The following DYNC2H1 variants were observed in gnomAD, a reference collection of about 807,000 sequenced individuals.
DYNC2H1 encodes the protein cytoplasmic dynein 2 heavy chain 1.
In DYNC2H1, 410 loss-of-function variants were observed where a neutral mutation model predicts 570.0. That is an observed-to-expected ratio of 0.72 (90% CI 0.66 to 0.78). The LOEUF is 0.78. Among genes scored for constraint, DYNC2H1 ranks in the 30% least tolerant of loss-of-function variants. The pLI is 0.00. For missense variants in DYNC2H1, 4,865 were observed against 5,046.4 expected (o/e 0.96, Z 1.09); for synonymous variants, 1,688 against 1,677.6 (o/e 1.01, Z -0.15).
intron 54 of DYNC2H1, among the ~76,000 whole-genome samples, chr11:103,212,608 G>C: frequency 6.6e-6 from 1 of 151,902 alleles, no homozygotes; most frequent in South Asian, 2.1e-4. Context: ...TTTTCTTTCC[G>C]TATTTCTTTA....
At chr11:103,152,401 A>C in intron 21 of DYNC2H1, 116 bp downstream of exon 21, 7 of 955,508 alleles carry the variant, frequency 7.3e-6, no homozygotes, top group Non-Finnish European at 1.0e-5. Context: ...GGCTGTTGAA[A>C]TTGACCTCCC....
At chr11:103,213,290 A>C (rs1863229719) in intron 54 of DYNC2H1, among the ~76,000 whole-genome samples, 2 of 152,132 alleles carry the variant, frequency 1.3e-5, no homozygotes, top group African/African-American at 4.8e-5. Context: ...GTGACTCTTG[A>C]GTCCTTTTTC....
chr11:103,266,386 G>A (rs111524556), intron 70 of DYNC2H1, among the ~76,000 whole-genome samples: 3,229 of 152,166 alleles, frequency 0.021, 117 homozygotes, highest in African/African-American at 0.073. Flanking sequence ...GGGTGCAGGT[G>A]GGTGCCTTCT....
chr11:103,186,129 A>T lies in DYNC2H1; in HGVS notation c.6634-113A>T, dbSNP rs1862057540. 9.4e-7 allele frequency: 1 copy of T among 1,061,614 alleles called. No individual in the cohort carries two copies. Among genetic ancestry groups the T allele is most frequent in the Non-Finnish European group, 1.3e-6 (1 of 757,004 alleles). 65.8% of individuals were successfully genotyped at this position (1,061,614 alleles called of 1,614,324 possible). A position where few individuals can be genotyped will look rare whatever the true frequency, so the allele number is the denominator to read the frequency against. ...ATGATAAAATAGGTTTAGTTTATGT[A>T]AAGTTTTCTTGGAACTAAGATGATT... On this transcript the variant is annotated intron_variant, in intron 41 of 88. Coordinates refer to ENST00000375735, the MANE Select transcript of DYNC2H1 (RefSeq NM_001377.3). The surrounding 1 kb of genome is among the most constrained non-coding windows in gnomAD (Gnocchi z 4.5).
chr11:103,176,445 A>G lies in DYNC2H1; in HGVS notation c.5874+11A>G, dbSNP rs766069334. ...ATTATACCCAATCAGGTAACTGTCA[A>G]GAATATTTTATAATAGATTGATCCC... On this transcript the variant is annotated intron_variant, in intron 37 of 88. Coordinates refer to ENST00000375735, the MANE Select transcript of DYNC2H1 (RefSeq NM_001377.3). 1 of 1,487,050 alleles carries G rather than the reference A, an allele frequency of 6.7e-7. No individual in the cohort carries two copies. The highest frequency in any genetic ancestry group is 8.9e-7 in the Non-Finnish European group (1 of 1,122,744). The allele number at this position is 1,487,050 out of a possible 1,614,324, so 92.1% of individuals were successfully genotyped here.
At position 103,260,862 on chromosome 11, in the gene DYNC2H1, G is replaced by A. The variant is rs771833730; in HGVS notation, c.10695+885G>A. On this transcript the variant is annotated intron_variant, in intron 70 of 88. Transcript: ENST00000375735. ...TCGAACTCCTGGCCTCATGTGATCT[G>A]CCCTCCTCAGCCTCCCAAAGTGCTG... Among the ~76,000 whole-genome samples the A allele has an allele frequency of 1.2e-4, 18 of 151,736 alleles. 1 individual carries two copies. Among genetic ancestry groups the A allele is most frequent in the Middle Eastern group, 6.9e-3 (2 of 290 alleles).
At position 103,281,946 on chromosome 11, in the gene DYNC2H1, A is replaced by G. The variant is rs113262767; in HGVS notation, c.10762-233A>G. Among the ~76,000 whole-genome samples, 6,897 of 152,066 alleles carry G rather than the reference A, an allele frequency of 0.045. 210 individuals are homozygous for G. Among genetic ancestry groups the G allele is most frequent in the Middle Eastern group, 0.071 (21 of 294 alleles). On this transcript the variant is annotated intron_variant, in intron 71 of 88. Transcript: ENST00000375735. ...TTTAGACATTGAGACTCATATATAT[A>G]ATGGAGTTGTTTTGTTTTAATAAAA... is the stretch of plus-strand genomic sequence containing the variant.
chr11:103,310,106 T>C (rs1453283785), intron 78 of DYNC2H1, among the ~76,000 whole-genome samples: 1 of 152,154 alleles, frequency 6.6e-6, no homozygotes, highest in African/African-American at 2.4e-5. Context: ...ATTCACTTCA[T>C]TATTTTTTTC....
At position 103,261,265 on chromosome 11, in the gene DYNC2H1, C is replaced by T. The variant is rs549267024; in HGVS notation, c.10695+1288C>T. Reference sequence around the variant, plus strand: ...GCTGGGGGGAAGGGGTGGCTGTGGGCGCAGCATCAGCAGACTTAAACATTC... The same window carrying T: ...GCTGGGGGGAAGGGGTGGCTGTGGGTGCAGCATCAGCAGACTTAAACATTC... On this transcript the variant is annotated intron_variant, in intron 70 of 88. Coordinates refer to ENST00000375735, the MANE Select transcript of DYNC2H1 (RefSeq NM_001377.3). This position sits in a 1 kb window ranked among gnomAD's most constrained non-coding sequence, Gnocchi z 4.8. Among the ~76,000 whole-genome samples the T allele has an allele frequency of 6.5e-4, 97 of 150,062 alleles. No homozygotes were observed. The highest frequency in any genetic ancestry group is 3.4e-3 in the Middle Eastern group (1 of 294).
chr11:103,109,810 T>G (rs780676493), intron 1 of DYNC2H1, 41 bp downstream of exon 1: 13 of 1,579,154 alleles, frequency 8.2e-6, no homozygotes, highest in African/African-American at 1.3e-5. Flanking sequence ...TGACCACTCT[T>G]CAAGTCCCCA....
chr11:103,323,540 G>T (rs1938322531), intron 81 of DYNC2H1, among the ~76,000 whole-genome samples: 1 of 151,704 alleles, frequency 6.6e-6, no homozygotes, highest in Non-Finnish European at 1.5e-5. Context: ...TTGGTCTTTG[G>T]TAAGTTATAG....
Position 103,461,540 on chromosome 11 carries a change from A to G in DYNC2H1, c.12648+5184A>G, listed in dbSNP as rs1375180202. Among the ~76,000 whole-genome samples the G allele has an allele frequency of 2.0e-5, 3 of 152,296 alleles. No individual in the cohort carries two copies. Among genetic ancestry groups the G allele is most frequent in the South Asian group, 4.1e-4 (2 of 4,828 alleles). Reference sequence around the variant, plus strand: ...TAAATCAAGCTCCTGTTCAGCCTACATTTTACATCTTCCTCCAAGGCTGAG... The same window carrying G: ...TAAATCAAGCTCCTGTTCAGCCTACGTTTTACATCTTCCTCCAAGGCTGAG... On this transcript the variant is annotated intron_variant, in intron 87 of 88. Coordinates refer to ENST00000375735, the MANE Select transcript of DYNC2H1 (RefSeq NM_001377.3). This position sits in a 1 kb window ranked among gnomAD's most constrained non-coding sequence, Gnocchi z 4.8.
At chr11:103,313,635 G>A (rs1048688028) in intron 79 of DYNC2H1, among the ~76,000 whole-genome samples, 6 of 152,082 alleles carry the variant, frequency 3.9e-5, no homozygotes, top group African/African-American at 1.4e-4. Context: ...GATACCTTGG[G>A]TAAACTGTTT....
In DYNC2H1 at chr11:103,245,155, T is replaced by C. The variant is rs1238217132; in HGVS notation, c.9919-96T>C. 2 of 1,093,972 alleles carry C rather than the reference T, an allele frequency of 1.8e-6. No individual in the cohort carries two copies. Among genetic ancestry groups the C allele is most frequent in the South Asian group, 1.7e-5 (1 of 59,572 alleles). 67.8% of individuals were successfully genotyped at this position (1,093,972 alleles called of 1,614,324 possible). Reference sequence around the variant, plus strand: ...TATAGAATCTGAAATTGTGTTTCTATAACATTTTGAAATTACTGTAGAAAA... The same window carrying C: ...TATAGAATCTGAAATTGTGTTTCTACAACATTTTGAAATTACTGTAGAAAA... On this transcript the variant is annotated intron_variant, in intron 64 of 88. Transcript: ENST00000375735. This position sits in a 1 kb window ranked among gnomAD's most constrained non-coding sequence, Gnocchi z 4.5.
chr11:103,426,731 C>T (rs1015163874), intron 84 of DYNC2H1, among the ~76,000 whole-genome samples: 2 of 152,102 alleles, frequency 1.3e-5, no homozygotes, highest in South Asian at 4.1e-4. Flanking sequence ...AAAAATATAA[C>T]AAACTAATGG....
chr11:103,467,258 A>C (rs1591801125), intron 87 of DYNC2H1, among the ~76,000 whole-genome samples: 1 of 152,332 alleles, frequency 6.6e-6, no homozygotes, highest in East Asian at 1.9e-4. Flanking sequence ...TTTAAGTATT[A>C]AATAATTATA....
At chr11:103,466,594 G>A (rs1216522012) in intron 87 of DYNC2H1, among the ~76,000 whole-genome samples, 1 of 152,096 alleles carries the variant, frequency 6.6e-6, no homozygotes, top group Non-Finnish European at 1.5e-5. Flanking sequence ...GTGGAGGTGG[G>A]CAAAAGATTT....
chr11:103,457,854 T>C (rs143897324), intron 87 of DYNC2H1, among the ~76,000 whole-genome samples: 98 of 152,300 alleles, frequency 6.4e-4, no homozygotes, highest in Non-Finnish European at 1.2e-3. Context: ...AGTTTCCTGC[T>C]CAAAACACTT....
intron 12 of DYNC2H1, among the ~76,000 whole-genome samples, chr11:103,126,451 T>C (rs1406710715): frequency 1.3e-5 from 2 of 152,198 alleles, no homozygotes; most frequent in African/African-American, 2.4e-5. Flanking sequence ...AAACTAAACA[T>C]TGAGTGCTCA....
Sources: gnomAD v4.1 joint callset for allele counts (sites outside exome capture counted in the v4.1 genomes callset) on GRCh38, gnomAD v4.1.1 for gene constraint, Gnocchi (gnomAD v3.1) non-coding constraint, MANE v1.5 for transcripts, NCBI Gene and HGNC (gene_info 2026-07-23, HGNC 2026-07-21) for gene names.